MATR3: variants seen among roughly 807,000 people sequenced by gnomAD.
The protein encoded by MATR3 is matrin-3.
In MATR3, 4 loss-of-function variants were observed where a neutral mutation model predicts 85.5. The ratio of observed to expected loss-of-function variants is 0.05; its 90% CI spans 0.02 to 0.11. The LOEUF (loss-of-function observed/expected upper bound fraction) is 0.11, where lower values mean the gene tolerates loss of function less well. Ranked by LOEUF, MATR3 falls within the 10% of genes least tolerant of loss-of-function variation. The probability of loss-of-function intolerance (pLI) is 1.00; values close to 1 mark genes in which losing one functional copy is unlikely to be tolerated. For missense variants in MATR3, 685 were observed against 1,016.1 expected (o/e 0.67, Z 4.43); for synonymous variants, 336 against 343.1 (o/e 0.98, Z 0.23).
chr5:139,288,477 CTGT>C (rs1310443312), intron 3 of MATR3, among the ~76,000 whole-genome samples: 5 of 152,202 alleles, frequency 3.3e-5, no homozygotes, highest in Non-Finnish European at 5.9e-5. Flanking sequence ...GGACCAGAGG[CTGT>C]TGTTTCATCT....
intron 1 of MATR3, chr5:139,276,057 G>A: frequency 2.2e-6 from 1 of 456,750 alleles, no homozygotes; most frequent in Admixed American, 2.3e-5. Context: ...GTTTTGAGGG[G>A]AGGGACTCTG....
chr5:139,274,905 CAG>C (rs776755812), intron 1 of MATR3, among the ~76,000 whole-genome samples: 1 of 151,588 alleles, frequency 6.6e-6, no homozygotes, highest in East Asian at 2.0e-4. Context: ...AACCTGGTAA[CAG>C]AGCAAGACTC....
chr5:139,324,630 A>G (rs1226304583), intron 12 of MATR3, among the ~76,000 whole-genome samples: 1 of 152,076 alleles, frequency 6.6e-6, no homozygotes, highest in Non-Finnish European at 1.5e-5. Flanking sequence ...CTGTTTGAGT[A>G]TTTGCTCTAA....
chr5:139,282,302 C>T (rs1170195103), intron 3 of MATR3, among the ~76,000 whole-genome samples: 1 of 152,206 alleles, frequency 6.6e-6, no homozygotes, highest in Admixed American at 6.5e-5. Flanking sequence ...CAACATCTTT[C>T]TCCTTAATGC....
intron 14 of MATR3, among the ~76,000 whole-genome samples, chr5:139,327,310 T>A (rs1191672964): frequency 6.6e-6 from 1 of 152,028 alleles, no homozygotes; most frequent in Admixed American, 6.5e-5. Flanking sequence ...TTCTGTTTTT[T>A]TTTTTTTTTT....
At chr5:139,294,124 T>A in intron 1 of MATR3, 1 of 1,150,496 alleles carries the variant, frequency 8.7e-7, no homozygotes, top group Non-Finnish European at 1.1e-6. Context: ...CCGAGCTTCC[T>A]GCGCGTCCTG....
Position 139,293,770 on chromosome 5 carries a change from G to T in MATR3, c.-213G>T. ...TCTCCGCGTCCCGCTCGCTGGGAGA[G>T]AGGTACCTCTCCTTTTCCCTCTCCC... On this transcript the variant is annotated 5_prime_UTR_variant, in exon 1 of 15. Coordinates refer to ENST00000394805, the MANE Select transcript of MATR3 (RefSeq NM_018834.6). The T allele has an allele frequency of 2.6e-6, 1 of 392,090 alleles. No homozygotes were observed. The allele number at this position is 392,090 out of a possible 1,614,324, so 24.3% of individuals were successfully genotyped here. A position where few individuals can be genotyped will look rare whatever the true frequency, so the allele number is the denominator to read the frequency against.
chr5:139,314,362 C>G (rs1054522907), intron 2 of MATR3: 30 of 341,248 alleles, frequency 8.8e-5, no homozygotes, highest in Middle Eastern at 9.6e-4. Context: ...AATTAATAAG[C>G]CTTGCTGATC....
intron 3 of MATR3, chr5:139,280,808 C>T (rs1020286642): frequency 6.7e-5 from 10 of 149,892 alleles, no homozygotes; most frequent in African/African-American, 2.5e-4. Flanking sequence ...CAGAGACGTT[C>T]CTATATTGCT....
intron 12 of MATR3, chr5:139,325,150 G>C: frequency 9.0e-7 from 1 of 1,112,220 alleles, no homozygotes; most frequent in Non-Finnish European, 1.2e-6. Context: ...CCGAGATCGC[G>C]CCACTGCACC....
At chr5:139,322,383 G>C in intron 10 of MATR3, 80 bp from the exon 11 acceptor site, 2 of 1,280,594 alleles carry the variant, frequency 1.6e-6, no homozygotes, top group East Asian at 2.3e-5. Context: ...TGATTATAGG[G>C]ATTGTCTCCA....
chr5:139,323,911 G>A (rs1317777980), intron 12 of MATR3, among the ~76,000 whole-genome samples: 4 of 151,786 alleles, frequency 2.6e-5, no homozygotes, highest in South Asian at 2.1e-4. Flanking sequence ...AAAGTAGAGC[G>A]AAATGAGATT....
chr5:139,317,537 T>TA, intron 6 of MATR3, 59 bp from the exon 7 acceptor site: 1 of 1,542,776 alleles, frequency 6.5e-7, no homozygotes, highest in Non-Finnish European at 8.9e-7. Context: ...TAATGCGTAA[T>TA]TGGTTTCATA....
intron 2 of MATR3, chr5:139,313,152 TCC>T (rs1358350421): frequency 6.6e-6 from 1 of 151,026 alleles, no homozygotes; most frequent in Non-Finnish European, 1.5e-5. Flanking sequence ...CAGTGAGACA[TCC>T]CCCTTTAAAA....
intron 2 of MATR3, chr5:139,314,415 T>C (rs997894171): frequency 2.3e-6 from 1 of 429,198 alleles, no homozygotes; most frequent in Admixed American, 3.5e-5. Flanking sequence ...ACTCTATATC[T>C]TTTCCCTGTC....
chr5:139,322,856 C>A lies in MATR3; in HGVS notation c.2037C>A (p.Thr679=). 6 of 1,614,098 alleles carry A rather than the reference C, an allele frequency of 3.7e-6. No homozygotes were observed. Among genetic ancestry groups the A allele is most frequent in the Non-Finnish European group, 5.1e-6 (6 of 1,180,008 alleles). The change falls in exon 12 of 15, where the codon ACC becomes ACA. Residue 679 remains threonine (T), a synonymous_variant. Transcript: ENST00000394805. ...GTGGCAGTTCAGTGGGAGACGAGAC[C>A]GATCTTGCTAATTTAGGTGATGTGG... is the stretch of plus-strand genomic sequence containing the variant. ...LESGSSVGDE[T]DLANLGDVAS... is the part of the protein sequence containing the mutation.
At chr5:139,302,253 C>A (rs923157011) in intron 1 of MATR3, among the ~76,000 whole-genome samples, 1 of 152,056 alleles carries the variant, frequency 6.6e-6, no homozygotes, top group African/African-American at 2.4e-5. Flanking sequence ...TGAGCCACTG[C>A]GCCTGGCCTA....
chr5:139,312,528 G>A (rs1288290979), intron 2 of MATR3: 2 of 152,130 alleles, frequency 1.3e-5, no homozygotes, highest in African/African-American at 2.4e-5. Flanking sequence ...TTAGCTATTA[G>A]CCATTATTTT....
rs1256086401 is a variant in MATR3 at position 139,322,976 on chromosome 5, A to G, written c.2148+9A>G. ...AGAAAAAGCTTAAAAAGGTAAAGAAAGATACATTGATTTGTTTTAATAGAA... is the reference window on the plus strand; with the variant it reads ...AGAAAAAGCTTAAAAAGGTAAAGAAGGATACATTGATTTGTTTTAATAGAA... On this transcript the variant is annotated intron_variant, in intron 12 of 14. Transcript: ENST00000394805. 4.5e-6 allele frequency: 7 copies of G among 1,542,408 alleles called. No homozygotes were observed. The highest frequency in any genetic ancestry group is 1.3e-5 in the African/African-American group (1 of 74,122).
Sources: gnomAD v4.1 joint callset for allele counts (sites outside exome capture counted in the v4.1 genomes callset) on GRCh38, gnomAD v4.1.1 for gene constraint, MANE v1.5 for transcripts, NCBI Gene and HGNC (gene_info 2026-07-23, HGNC 2026-07-21) for gene names.